Variants in LRP1B observed in about 807,000 individuals in gnomAD.
LRP1B encodes the protein LDL receptor related protein 1B, also known as low-density lipoprotein receptor-related protein 1B.
Under a neutral mutation model 556.6 loss-of-function variants are expected in LRP1B, and 217 were observed. The ratio of observed to expected loss-of-function variants is 0.39; its 90% CI spans 0.35 to 0.44. The LOEUF is 0.44. Ranked by LOEUF, LRP1B falls within the 20% of genes least tolerant of loss-of-function variation. The pLI is 1.00. For synonymous variants in LRP1B, 2,047 were observed against 1,865.8 expected, an observed-to-expected ratio of 1.10 and a Z score of -2.50; for missense variants, 5,053 against 5,620.8, an observed-to-expected ratio of 0.90 and a Z score of 3.23.
At chr2:142,021,182 T>A (rs183182550) in intron 1 of LRP1B, among the ~76,000 whole-genome samples, 86 of 152,304 alleles carry the variant, frequency 5.6e-4, no homozygotes, top group African/African-American at 1.9e-3. Flanking sequence ...TAATGATTCA[T>A]AAGCAATGAA....
chr2:140,446,687 CAG>C (rs1686672420), intron 63 of LRP1B, among the ~76,000 whole-genome samples: 1 of 151,972 alleles, frequency 6.6e-6, no homozygotes. Context: ...AGAAAGCTCA[CAG>C]AGATAATGTA....
At chr2:141,272,300 T>C (rs1685120698) in intron 3 of LRP1B, among the ~76,000 whole-genome samples, 1 of 151,992 alleles carries the variant, frequency 6.6e-6, no homozygotes, top group Admixed American at 6.6e-5. Context: ...TTAGGACAAC[T>C]ATTAAGAAAA....
intron 1 of LRP1B, among the ~76,000 whole-genome samples, chr2:142,069,946 A>C (rs1705249942): frequency 6.6e-6 from 1 of 151,800 alleles, no homozygotes; most frequent in Non-Finnish European, 1.5e-5. Flanking sequence ...TGTTTGCTGA[A>C]CACAAACGTA....
chr2:140,688,776 G>A (rs1686137673), intron 41 of LRP1B, among the ~76,000 whole-genome samples: 1 of 152,186 alleles, frequency 6.6e-6, no homozygotes, highest in African/African-American at 2.4e-5. Context: ...ACCATCTCAA[G>A]GCATCCTACT....
rs527998982 is a variant in LRP1B at position 140,261,607 on chromosome 2, G to A, written c.13247+8635C>T. On this transcript the variant is annotated intron_variant, in intron 86 of 90. Transcript: ENST00000389484. ...TTATTAACACCGTTGAATAACCAACGGTGTTGGTTAAAGTAGAGAAAATTC... is the reference window on the plus strand; with the variant it reads ...TTATTAACACCGTTGAATAACCAACAGTGTTGGTTAAAGTAGAGAAAATTC... Among the ~76,000 whole-genome samples, 495 of 151,760 alleles carry A rather than the reference G, an allele frequency of 3.3e-3. 3 individuals are homozygous for A. Among genetic ancestry groups the A allele is most frequent in the African/African-American group, 0.011 (448 of 41,456 alleles).
At chr2:140,642,066 G>T (rs990644712) in intron 41 of LRP1B, among the ~76,000 whole-genome samples, 3 of 152,150 alleles carry the variant, frequency 2.0e-5, no homozygotes, top group African/African-American at 7.2e-5. Context: ...TGAGTGACCT[G>T]GACCTTCATA....
chr2:140,471,127 T>A (rs550523899), intron 60 of LRP1B, among the ~76,000 whole-genome samples: 2 of 152,338 alleles, frequency 1.3e-5, no homozygotes, highest in African/African-American at 4.8e-5. Flanking sequence ...ATTTAAAAAC[T>A]GAATATTTCT....
chr2:141,446,893 G>C (rs1049049251), intron 3 of LRP1B, among the ~76,000 whole-genome samples: 3 of 151,970 alleles, frequency 2.0e-5, no homozygotes, highest in Non-Finnish European at 2.9e-5. Context: ...ATGTGTCTTG[G>C]GGTTGCTCTT....
At chr2:140,381,013 C>G (rs781255968) in intron 67 of LRP1B, among the ~76,000 whole-genome samples, 7 of 152,166 alleles carry the variant, frequency 4.6e-5, no homozygotes, top group Non-Finnish European at 7.3e-5. Flanking sequence ...AGCAAATCTA[C>G]TTCTGAATAA....
intron 2 of LRP1B, among the ~76,000 whole-genome samples, chr2:141,624,426 T>C (rs1688630341): frequency 6.6e-6 from 1 of 152,222 alleles, no homozygotes; most frequent in Admixed American, 6.5e-5. Context: ...GATATTATTC[T>C]TTCCACAAAA....
intron 3 of LRP1B, among the ~76,000 whole-genome samples, chr2:141,430,289 C>T (rs11895285): frequency 0.46 from 69,750 of 151,934 alleles, 16,165 homozygotes; most frequent in East Asian, 0.6. Context: ...TTTCTATCTG[C>T]ATAAAAGGCT....
intron 1 of LRP1B, among the ~76,000 whole-genome samples, chr2:141,922,826 G>A (rs548023360): frequency 6.6e-6 from 1 of 152,136 alleles, no homozygotes; most frequent in Admixed American, 6.5e-5. Flanking sequence ...GTAGCCAGGC[G>A]TGGTGGCTCC....
chr2:142,053,834 G>T (rs1044940292), intron 1 of LRP1B, among the ~76,000 whole-genome samples: 1 of 152,156 alleles, frequency 6.6e-6, no homozygotes, highest in Non-Finnish European at 1.5e-5. Context: ...GACACTAAGA[G>T]TTAAGTGAGT....
intron 2 of LRP1B, among the ~76,000 whole-genome samples, chr2:141,671,824 T>A (rs1396295114): frequency 3.3e-5 from 2 of 60,722 alleles, no homozygotes; most frequent in Non-Finnish European, 8.5e-5. Flanking sequence ...CCCATCAAAC[T>A]TTTTTTTTTT....
intron 84 of LRP1B, among the ~76,000 whole-genome samples, chr2:140,277,958 A>C (rs1234335849): frequency 2.6e-5 from 4 of 152,038 alleles, no homozygotes; most frequent in African/African-American, 9.6e-5. Context: ...TAAAAAGCCC[A>C]AATTTTAAGA....
At chr2:140,503,164 C>T in intron 53 of LRP1B, 61 bp from the exon 54 acceptor site, 1 of 1,453,810 alleles carries the variant, frequency 6.9e-7, no homozygotes, top group Non-Finnish European at 9.6e-7. Context: ...GAAACGTCAT[C>T]TCCTCAATGT....
chr2:142,026,393 G>A (rs1003589658), intron 1 of LRP1B, among the ~76,000 whole-genome samples: 1 of 151,982 alleles, frequency 6.6e-6, no homozygotes, highest in Non-Finnish European at 1.5e-5. Flanking sequence ...TCATTCCTGC[G>A]ACCAGCCTCC....
At chr2:142,011,728 GCTTA>G (rs1020978431) in intron 1 of LRP1B, among the ~76,000 whole-genome samples, 2 of 152,088 alleles carry the variant, frequency 1.3e-5, no homozygotes, top group Non-Finnish European at 2.9e-5. Context: ...TTAAACTCTG[GCTTA>G]CTATTTGTCT....
intron 37 of LRP1B, among the ~76,000 whole-genome samples, chr2:140,703,316 T>C (rs1021556060): frequency 2.6e-5 from 4 of 152,066 alleles, no homozygotes; most frequent in Admixed American, 1.3e-4. Flanking sequence ...AGAACACATA[T>C]AGTATGCCAA....
Sources: gnomAD v4.1 joint callset for allele counts (sites outside exome capture counted in the v4.1 genomes callset) on GRCh38, gnomAD v4.1.1 for gene constraint, MANE v1.5 for transcripts, NCBI Gene and HGNC (gene_info 2026-07-23, HGNC 2026-07-21) for gene names.